Variants in PICALM observed in about 807,000 individuals in gnomAD.
PICALM encodes phosphatidylinositol binding clathrin assembly protein, also known as phosphatidylinositol-binding clathrin assembly protein.
A neutral mutation model predicts 80.5 loss-of-function variants in PICALM; 40 were observed. That is an observed-to-expected ratio of 0.50 (90% CI 0.39 to 0.65). PICALM has a LOEUF of 0.65. Among genes scored for constraint, PICALM ranks in the 30% least tolerant of loss-of-function variants. The probability of loss-of-function intolerance (pLI) is 0.00; values close to 1 mark genes in which losing one functional copy is unlikely to be tolerated. For synonymous variants in PICALM, 288 were observed against 260.3 expected, an observed-to-expected ratio of 1.11 and a Z score of -1.02; for missense variants, 676 against 778.9, an observed-to-expected ratio of 0.87 and a Z score of 1.57.
At chr11:86,039,774 C>T (rs1001476179) in intron 1 of PICALM, among the ~76,000 whole-genome samples, 4 of 151,926 alleles carry the variant, frequency 2.6e-5, no homozygotes, top group Non-Finnish European at 5.9e-5. Context: ...GAGGCCGAGG[C>T]GGGCAGATCA....
chr11:86,043,673 G>A (rs1018500036), intron 1 of PICALM, among the ~76,000 whole-genome samples: 1 of 152,158 alleles, frequency 6.6e-6, no homozygotes, highest in Non-Finnish European at 1.5e-5. Flanking sequence ...TTGTGGATTT[G>A]TAAGTGAAAC....
At chr11:86,018,116 G>C (rs1438817884) in intron 4 of PICALM, among the ~76,000 whole-genome samples, 1 of 152,140 alleles carries the variant, frequency 6.6e-6, no homozygotes, top group African/African-American at 2.4e-5. Context: ...TGTGAAGCTA[G>C]AATTCAAACC....
intron 6 of PICALM, among the ~76,000 whole-genome samples, chr11:86,011,971 C>T (rs530870459): frequency 2.6e-5 from 4 of 151,832 alleles, no homozygotes; most frequent in Non-Finnish European, 4.4e-5. Flanking sequence ...CTGCCTCAGC[C>T]TAAAACTTAC....
At chr11:86,036,133 T>C (rs541202416) in intron 1 of PICALM, among the ~76,000 whole-genome samples, 45 of 152,314 alleles carry the variant, frequency 3.0e-4, no homozygotes, top group African/African-American at 1.0e-3. Context: ...GGAACTTTTA[T>C]ATGAAGTATC....
At chr11:85,999,304 A>AT (rs2095073204) in intron 11 of PICALM, among the ~76,000 whole-genome samples, 1 of 152,246 alleles carries the variant, frequency 6.6e-6, no homozygotes, top group Admixed American at 6.5e-5. Context: ...ATATACAATA[A>AT]TAATTCTGTA....
intron 1 of PICALM, among the ~76,000 whole-genome samples, chr11:86,054,936 C>G (rs577536519): frequency 6.6e-5 from 10 of 151,986 alleles, no homozygotes; most frequent in Non-Finnish European, 1.2e-4. Context: ...TGTGCCTGGC[C>G]CACTCATCTT....
chr11:86,062,518 CAA>C (rs201512372), intron 1 of PICALM, among the ~76,000 whole-genome samples: 1 of 123,340 alleles, frequency 8.1e-6, no homozygotes, highest in Non-Finnish European at 1.7e-5. Flanking sequence ...AACTCCGTCT[CAA>C]AAAAAAAAAA....
At position 85,958,216 on chromosome 11, in the gene PICALM, T is replaced by A. The variant is rs2093581016; in HGVS notation, c.*830A>T. 2 of 222,482 alleles carry A rather than the reference T, an allele frequency of 9.0e-6. No individual in the cohort carries two copies. 13.8% of individuals were successfully genotyped at this position (222,482 alleles called of 1,614,324 possible). A position where few individuals can be genotyped will look rare whatever the true frequency, so the allele number is the denominator to read the frequency against. On this transcript the variant is annotated 3_prime_UTR_variant, in exon 20 of 20. Coordinates refer to ENST00000393346, the MANE Select transcript of PICALM (RefSeq NM_007166.4). Reference sequence around the variant, plus strand: ...ATTTAAAATGTAGTGCTTTTCCTAGTCAGTGAACTGTTCCCTGGCAAAATC... The same window carrying A: ...ATTTAAAATGTAGTGCTTTTCCTAGACAGTGAACTGTTCCCTGGCAAAATC...
intron 8 of PICALM, among the ~76,000 whole-genome samples, chr11:86,005,764 A>G (rs904375530): frequency 6.6e-6 from 1 of 151,036 alleles, no homozygotes; most frequent in African/African-American, 2.5e-5. Context: ...TTACACCTTA[A>G]AAGAAATTAC....
chr11:86,005,321 C>T (rs546646976), intron 8 of PICALM, among the ~76,000 whole-genome samples: 1 of 152,202 alleles, frequency 6.6e-6, no homozygotes, highest in Admixed American at 6.5e-5. Flanking sequence ...TATTAAACTA[C>T]CAAGTTATGA....
At chr11:86,033,023 T>C (rs1028604951) in intron 1 of PICALM, among the ~76,000 whole-genome samples, 1 of 152,158 alleles carries the variant, frequency 6.6e-6, no homozygotes, top group Non-Finnish European at 1.5e-5. Context: ...AACAACAGAA[T>C]GACACAAAGC....
intron 2 of PICALM, 99 bp downstream of exon 2, chr11:86,031,370 C>T (rs1296347277): frequency 1.0e-5 from 9 of 876,912 alleles, no homozygotes; most frequent in African/African-American, 6.8e-5. Context: ...GGCACCTTGA[C>T]CTTTGTACCT....
At chr11:86,052,763 A>T (rs2137393963) in intron 1 of PICALM, among the ~76,000 whole-genome samples, 1 of 152,330 alleles carries the variant, frequency 6.6e-6, no homozygotes, top group South Asian at 2.1e-4. Context: ...CTATATCTAA[A>T]GGTCATATAA....
intron 19 of PICALM, among the ~76,000 whole-genome samples, chr11:85,966,231 G>T (rs2093892944): frequency 6.6e-6 from 1 of 151,912 alleles, no homozygotes; most frequent in South Asian, 2.1e-4. Context: ...CCCAAAGACA[G>T]GGTCTAGCTC....
At chr11:86,050,450 C>T (rs1235237441) in intron 1 of PICALM, among the ~76,000 whole-genome samples, 2 of 152,114 alleles carry the variant, frequency 1.3e-5, no homozygotes, top group African/African-American at 4.8e-5. Flanking sequence ...CAGCCTTGAC[C>T]TATTACAGAT....
intron 3 of PICALM, 41 bp from the exon 4 acceptor site, chr11:86,022,510 C>A: frequency 9.2e-7 from 1 of 1,091,704 alleles, no homozygotes; most frequent in Non-Finnish European, 1.3e-6. Flanking sequence ...AAGAGAGAGA[C>A]AAGTTTTTAT....
chr11:85,967,980 T>A (rs1246898149), intron 19 of PICALM, among the ~76,000 whole-genome samples: 1 of 151,916 alleles, frequency 6.6e-6, no homozygotes, highest in Non-Finnish European at 1.5e-5. Context: ...TTTAACCATA[T>A]CCTCCATAAA....
chr11:86,053,726 C>T (rs570511322), intron 1 of PICALM, among the ~76,000 whole-genome samples: 2 of 152,066 alleles, frequency 1.3e-5, no homozygotes, highest in Admixed American at 6.5e-5. Context: ...TGCCACCATG[C>T]CCAAATAATT....
intron 5 of PICALM, among the ~76,000 whole-genome samples, 188 bp from the exon 6 acceptor site, chr11:86,012,580 A>G (rs2095417076): frequency 6.6e-6 from 1 of 152,228 alleles, no homozygotes; most frequent in African/African-American, 2.4e-5. Flanking sequence ...AACATTATTT[A>G]TTATTATTAA....
Sources: gnomAD v4.1 joint callset for allele counts (sites outside exome capture counted in the v4.1 genomes callset) on GRCh38, gnomAD v4.1.1 for gene constraint, MANE v1.5 for transcripts, NCBI Gene and HGNC (gene_info 2026-07-23, HGNC 2026-07-21) for gene names.